NT5C2: variants seen among roughly 807,000 people sequenced by gnomAD.
The protein encoded by NT5C2 is cytosolic purine 5'-nucleotidase.
NT5C2 carries 58 observed loss-of-function variants against 76.1 expected under a neutral mutation model. That is an observed-to-expected ratio of 0.76 (90% CI 0.62 to 0.95). NT5C2 has a LOEUF of 0.95. Ranked by LOEUF, NT5C2 falls within the 40% of genes least tolerant of loss-of-function variation. NT5C2 has a pLI of 0.00. For synonymous variants in NT5C2, 229 were observed against 237.4 expected, an observed-to-expected ratio of 0.96 and a Z score of 0.32; for missense variants, 478 against 690.3, an observed-to-expected ratio of 0.69 and a Z score of 3.45.
chr10:103,162,477 C>G (rs1401815128), intron 3 of NT5C2, among the ~76,000 whole-genome samples: 1 of 152,108 alleles, frequency 6.6e-6, no homozygotes, highest in East Asian at 1.9e-4. Flanking sequence ...ATTTATTCAT[C>G]AGAAAAATAC....
chr10:103,163,177 T>C (rs548040338), intron 3 of NT5C2, among the ~76,000 whole-genome samples: 2 of 152,394 alleles, frequency 1.3e-5, no homozygotes, highest in Middle Eastern at 3.4e-3. Flanking sequence ...ATACTGTTTA[T>C]GTATGTACCT....
At chr10:103,151,379 C>T (rs1282449432) in intron 3 of NT5C2, among the ~76,000 whole-genome samples, 3 of 151,662 alleles carry the variant, frequency 2.0e-5, no homozygotes, top group South Asian at 2.1e-4. Flanking sequence ...GCAGGAGAAT[C>T]GCTTCAACCT....
chr10:103,122,098 C>T (rs1439847928), intron 4 of NT5C2, among the ~76,000 whole-genome samples: 2 of 152,084 alleles, frequency 1.3e-5, no homozygotes, highest in Admixed American at 6.6e-5. Context: ...CGCTTGAATC[C>T]GGGAGGAGGG....
chr10:103,111,738 A>C, intron 4 of NT5C2: 2 of 1,231,792 alleles, frequency 1.6e-6, no homozygotes, highest in Non-Finnish European at 2.0e-6. Context: ...CCAAAATGAG[A>C]ACTCACATGA....
intron 1 of NT5C2, among the ~76,000 whole-genome samples, chr10:103,186,504 T>C (rs2092027726): frequency 4.6e-5 from 7 of 152,232 alleles, no homozygotes; most frequent in Admixed American, 4.6e-4. Flanking sequence ...AGGACAACTA[T>C]AGCTATAGGT....
Position 103,097,290 on chromosome 10 carries a change from C to A in NT5C2, c.771+1G>T. ...AATAAATATACACATGAAGCACTTA[C>A]ATCTGTATATTTATAGTCACTGTTG... On this transcript the variant is annotated splice_donor_variant, in intron 11 of 18. Coordinates refer to ENST00000404739, the MANE Select transcript of NT5C2 (RefSeq NM_001351169.2). LOFTEE classifies it high-confidence loss of function. 2 of 1,606,474 alleles carry A rather than the reference C, an allele frequency of 1.2e-6. No homozygotes were observed. The highest frequency in any genetic ancestry group is 2.2e-5 in the East Asian group (1 of 44,708).
At chr10:103,157,097 G>A (rs2083572979) in intron 3 of NT5C2, among the ~76,000 whole-genome samples, 1 of 148,942 alleles carries the variant, frequency 6.7e-6, no homozygotes, top group Non-Finnish European at 1.5e-5. Flanking sequence ...AACATAGGAT[G>A]TATTATGAAA....
At chr10:103,155,036 G>A (rs2083079679) in intron 3 of NT5C2, among the ~76,000 whole-genome samples, 1 of 152,178 alleles carries the variant, frequency 6.6e-6, no homozygotes, top group Admixed American at 6.5e-5. Flanking sequence ...AGCTTCCTGT[G>A]CAAAAGGTAA....
At chr10:103,137,316 A>G (rs1028261608) in intron 4 of NT5C2, among the ~76,000 whole-genome samples, 2 of 152,244 alleles carry the variant, frequency 1.3e-5, no homozygotes, top group Admixed American at 6.5e-5. Flanking sequence ...TCTGTGACCA[A>G]TTAGAAAAAC....
At chr10:103,169,011 ATT>A (rs2087108058) in intron 3 of NT5C2, among the ~76,000 whole-genome samples, 1 of 134,304 alleles carries the variant, frequency 7.4e-6, no homozygotes, top group Non-Finnish European at 1.7e-5. Flanking sequence ...AATGGTTTCT[ATT>A]TAAAATTTTT....
Position 103,193,249 on chromosome 10 carries a change from C to CGG in NT5C2, c.-183_-182insCC, listed in dbSNP as rs2092790431. On this transcript the variant is annotated 5_prime_UTR_variant, in exon 1 of 19. Coordinates refer to ENST00000404739, the MANE Select transcript of NT5C2 (RefSeq NM_001351169.2). ...CGCCGCACTCACCGGCTCCAGCGCA[C>CGG]CGCAACAATCCCAGCGCGCAACTGC... 2 of 152,328 alleles carry CGG rather than the reference C, an allele frequency of 1.3e-5. No homozygotes were observed. The highest frequency in any genetic ancestry group is 2.9e-5 in the Non-Finnish European group (2 of 67,858). The allele number at this position is 152,328 out of a possible 1,614,324, so 9.4% of individuals were successfully genotyped here.
intron 2 of NT5C2, among the ~76,000 whole-genome samples, chr10:103,176,707 AG>A (rs1485786473): frequency 6.6e-6 from 1 of 152,134 alleles, no homozygotes; most frequent in African/African-American, 2.4e-5. Context: ...CTCTACAAAA[AG>A]TGTTGGCCAG....
intron 3 of NT5C2, 133 bp from the exon 4 acceptor site, chr10:103,139,612 T>C (rs2079990059): frequency 1.6e-6 from 1 of 611,138 alleles, no homozygotes; most frequent in East Asian, 3.0e-5. Context: ...TAAAATTATA[T>C]ATTAAGATGT....
intron 1 of NT5C2, among the ~76,000 whole-genome samples, chr10:103,183,290 T>TATATATAC (rs1213545184): frequency 7.9e-6 from 1 of 127,112 alleles, no homozygotes; most frequent in Non-Finnish European, 1.7e-5. Context: ...TATATATATA[T>TATATATAC]ATATCACACA....
At chr10:103,100,295 T>A (rs900293252) in intron 8 of NT5C2, among the ~76,000 whole-genome samples, 9 of 152,236 alleles carry the variant, frequency 5.9e-5, no homozygotes, top group African/African-American at 1.7e-4. Context: ...TCAGGTTTTT[T>A]TATTTATCAC....
intron 3 of NT5C2, among the ~76,000 whole-genome samples, chr10:103,148,238 T>C (rs2133551073): frequency 2.0e-5 from 3 of 152,342 alleles, no homozygotes; most frequent in Admixed American, 2.0e-4. Context: ...AGTAACTTCT[T>C]ACTAATTTGT....
intron 4 of NT5C2, chr10:103,125,297 A>T (rs1214149688): frequency 6.8e-5 from 10 of 147,562 alleles, no homozygotes; most frequent in East Asian, 3.6e-4. Context: ...TGTCACAGTT[A>T]AAAAAAAAAA....
Position 103,158,147 on chromosome 10 carries a change from GAAATCACAA to G in NT5C2, c.101+16702_101+16710del, listed in dbSNP as rs554279992. Among the ~76,000 whole-genome samples, 539 of 150,856 alleles carry G rather than the reference GAAATCACAA, an allele frequency of 3.6e-3. 2 individuals are homozygous for G. The highest frequency in any genetic ancestry group is 6.7e-3 in the Non-Finnish European group (455 of 67,696). On this transcript the variant is annotated intron_variant, in intron 3 of 18. Transcript: ENST00000404739. ...TTAAACAACACACTCCTAAATAATA[GAAATCACAA>G]AGAAAGCTAGAAAACGCTTACAATT...
chr10:103,163,613 T>A (rs1189638931), intron 3 of NT5C2, among the ~76,000 whole-genome samples: 1 of 152,076 alleles, frequency 6.6e-6, no homozygotes, highest in Non-Finnish European at 1.5e-5. Flanking sequence ...TATTTTCATA[T>A]TGTTAAATTT....
Sources: gnomAD v4.1 joint callset for allele counts (sites outside exome capture counted in the v4.1 genomes callset) on GRCh38, gnomAD v4.1.1 for gene constraint, MANE v1.5 for transcripts, NCBI Gene and HGNC (gene_info 2026-07-23, HGNC 2026-07-21) for gene names.